The following ROBO2 variants were observed in gnomAD, a reference collection of about 807,000 sequenced individuals.
ROBO2 encodes roundabout homolog 2.
A neutral mutation model predicts 160.8 loss-of-function variants in ROBO2; 53 were observed. That is an observed-to-expected ratio of 0.33 (90% CI 0.26 to 0.41). The LOEUF (loss-of-function observed/expected upper bound fraction) is 0.41. Among genes scored for constraint, ROBO2 ranks in the 10% least tolerant of loss-of-function variants. ROBO2 has a pLI of 1.00. For missense variants in ROBO2, 1,577 were observed against 1,722.4 expected (o/e 0.92, Z 1.49); for synonymous variants, 664 against 611.7 (o/e 1.09, Z -1.26).
At chr3:75,910,855 A>G (rs1946545938) in intron 1 of ROBO2, among the ~76,000 whole-genome samples, 1 of 152,280 alleles carries the variant, frequency 6.6e-6, no homozygotes, top group East Asian at 1.9e-4. Flanking sequence ...ATATTCTGTC[A>G]TAAGTAAGTG....
chr3:76,069,811 C>T (rs548268437), intron 2 of ROBO2, among the ~76,000 whole-genome samples: 20 of 152,170 alleles, frequency 1.3e-4, no homozygotes, highest in African/African-American at 2.6e-4. Context: ...GGACCCTGAA[C>T]GAAGGGACCG....
intron 2 of ROBO2, among the ~76,000 whole-genome samples, chr3:75,976,826 G>T (rs1279568291): frequency 6.6e-6 from 1 of 151,416 alleles, no homozygotes; most frequent in Non-Finnish European, 1.5e-5. Flanking sequence ...CTTATGAATG[G>T]CACAAACACG....
rs1020687196 is a variant in ROBO2 at position 77,436,325 on chromosome 3, T to C, written c.389-41089T>C. On this transcript the variant is annotated intron_variant, in intron 2 of 25. Coordinates refer to ENST00000461745, the Ensembl canonical transcript of ROBO2. ...TGTAGTGAAATATATGCATATACAA[T>C]ACATTATCTGTTTGTTCTCTTCATC... is the stretch of plus-strand genomic sequence containing the variant. 5.2e-4 allele frequency among the ~76,000 whole-genome samples: 74 copies of C among 142,032 alleles called. 1 individual carries two copies. Among genetic ancestry groups the C allele is most frequent in the Non-Finnish European group, 4.2e-4 (26 of 62,322 alleles). 93.2% of individuals were successfully genotyped at this position (142,032 alleles called of 152,430 possible). A position where few individuals can be genotyped will look rare whatever the true frequency, so the allele number is the denominator to read the frequency against.
chr3:76,035,689 A>G (rs1355462091), intron 2 of ROBO2, among the ~76,000 whole-genome samples: 1 of 152,058 alleles, frequency 6.6e-6, no homozygotes, highest in African/African-American at 2.4e-5. Flanking sequence ...GCCATATTGC[A>G]CCGAGTATGT....
intron 12 of ROBO2, among the ~76,000 whole-genome samples, chr3:77,566,844 C>T (rs1419387615): frequency 6.6e-6 from 1 of 152,072 alleles, no homozygotes; most frequent in Non-Finnish European, 1.5e-5. Context: ...ACCATACTTT[C>T]AGCAGCTTTG....
At position 75,910,511 on chromosome 3, in the gene ROBO2, C is replaced by T. The variant is rs535231518; in HGVS notation, c.-14+3551C>T. 7.2e-5 allele frequency among the ~76,000 whole-genome samples: 11 copies of T among 152,146 alleles called. No homozygotes were observed. In the South Asian group the frequency reaches 2.3e-3, roughly 32 times the overall value. Reference sequence around the variant, plus strand: ...ATATACTAGGGAGATGATTGAACATCCTAAGTTCTAGTGTATATACCTTTG... The same window carrying T: ...ATATACTAGGGAGATGATTGAACATTCTAAGTTCTAGTGTATATACCTTTG... On this transcript the variant is annotated intron_variant, in intron 1 of 26. Transcript: ENST00000487694.
chr3:77,075,944 C>T (rs1477284033), intron 1 of ROBO2, among the ~76,000 whole-genome samples: 1 of 151,898 alleles, frequency 6.6e-6, no homozygotes, highest in Non-Finnish European at 1.5e-5. Flanking sequence ...TCCCAAAGTG[C>T]TGGGATTACA....
In ROBO2 at chr3:76,555,598, A is replaced by G. The variant is rs1393500920; in HGVS notation, c.110-542416A>G. On this transcript the variant is annotated intron_variant, in intron 2 of 26. Coordinates refer to the ROBO2 transcript ENST00000487694. ...TAGAGGGGTAACAGGAGAAGATTAA[A>G]ATGTATTAAGATGGCTCTTTGAATT... 2.0e-5 allele frequency among the ~76,000 whole-genome samples: 3 copies of G among 152,306 alleles called. No individual in the cohort carries two copies. In the East Asian group the frequency reaches 5.8e-4, roughly 29 times the overall value.
At position 75,948,978 on chromosome 3, in the gene ROBO2, GT is replaced by G. The variant is rs781230474; in HGVS notation, c.109+11379del. On this transcript the variant is annotated intron_variant, in intron 2 of 26. Transcript: ENST00000487694. ...TTGTTATTGAAATGATTACTGTTTA[GT>G]TTGAAATAATGCACCCTGAGGATTG... Among the ~76,000 whole-genome samples, 21 of 152,068 alleles carry G rather than the reference GT, an allele frequency of 1.4e-4. No individual in the cohort carries two copies. In the East Asian group the frequency reaches 1.7e-3, roughly 13 times the overall value.
chr3:76,828,574 A>G (rs1295563370), intron 2 of ROBO2, among the ~76,000 whole-genome samples: 2 of 152,158 alleles, frequency 1.3e-5, no homozygotes, highest in South Asian at 2.1e-4. Flanking sequence ...GTTACCAGCC[A>G]TGCTTGAAAG....
At position 76,641,355 on chromosome 3, in the gene ROBO2, A is replaced by C. The variant is rs79416120; in HGVS notation, c.110-456659A>C. Reference sequence around the variant, plus strand: ...TATGATGCATACAGAACACAATATCACCTCTGTGATATTGTTATCAACAAT... The same window carrying C: ...TATGATGCATACAGAACACAATATCCCCTCTGTGATATTGTTATCAACAAT... On this transcript the variant is annotated intron_variant, in intron 2 of 26. Transcript: ENST00000487694. Among the ~76,000 whole-genome samples, 51 of 152,262 alleles carry C rather than the reference A, an allele frequency of 3.3e-4. 1 individual carries two copies. In the East Asian group the frequency reaches 9.9e-3, roughly 30 times the overall value.
At chr3:75,935,032 A>T (rs1044989536) in intron 1 of ROBO2, among the ~76,000 whole-genome samples, 2 of 152,198 alleles carry the variant, frequency 1.3e-5, no homozygotes, top group Non-Finnish European at 2.9e-5. Context: ...AGTAGAAATT[A>T]AAAGAATGTA....
intron 2 of ROBO2, among the ~76,000 whole-genome samples, chr3:76,323,233 TA>T (rs2072728343): frequency 6.6e-6 from 1 of 151,730 alleles, no homozygotes; most frequent in Non-Finnish European, 1.5e-5. Flanking sequence ...AGCATTGTGT[TA>T]AATGCTTTCC....
At chr3:76,346,712 A>G (rs1317173517) in intron 2 of ROBO2, among the ~76,000 whole-genome samples, 1 of 152,144 alleles carries the variant, frequency 6.6e-6, no homozygotes, top group Non-Finnish European at 1.5e-5. Flanking sequence ...TTTTCCAGTC[A>G]ATCATATTAT....
In ROBO2 at chr3:76,571,449, A is replaced by T. The variant is rs147130060; in HGVS notation, c.110-526565A>T. On this transcript the variant is annotated intron_variant, in intron 2 of 26. Transcript: ENST00000487694. Reference sequence around the variant, plus strand: ...ATAAAATTACCAGAGTAAATATGAGACCTAGAGGTTTTTATACCAAGATAC... The same window carrying T: ...ATAAAATTACCAGAGTAAATATGAGTCCTAGAGGTTTTTATACCAAGATAC... 3.1e-3 allele frequency among the ~76,000 whole-genome samples: 467 copies of T among 151,946 alleles called. 3 individuals are homozygous for T. The highest frequency in any genetic ancestry group is 0.011 in the African/African-American group (459 of 41,308).
intron 2 of ROBO2, among the ~76,000 whole-genome samples, chr3:76,155,215 C>A (rs1008818574): frequency 6.6e-6 from 1 of 152,072 alleles, no homozygotes; most frequent in Non-Finnish European, 1.5e-5. Context: ...ATATTGATGG[C>A]TTCGATATCA....
chr3:77,229,239 A>G (rs2086862202), intron 2 of ROBO2, among the ~76,000 whole-genome samples: 2 of 152,148 alleles, frequency 1.3e-5, no homozygotes, highest in Admixed American at 6.6e-5. Context: ...TTCTCTCTTC[A>G]GAAACATCCC....
At chr3:76,506,211 T>TA (rs1221144536) in intron 2 of ROBO2, among the ~76,000 whole-genome samples, 1 of 152,168 alleles carries the variant, frequency 6.6e-6, no homozygotes. Flanking sequence ...ATCTTGCTTT[T>TA]AAAAAATATA....
chr3:77,382,134 T>A (rs371950302), intron 2 of ROBO2, among the ~76,000 whole-genome samples: 6 of 152,150 alleles, frequency 3.9e-5, no homozygotes, highest in African/African-American at 1.2e-4. Context: ...AGAAACAAGC[T>A]TTTTAAAGCT....
Sources: gnomAD v4.1 joint callset for allele counts (sites outside exome capture counted in the v4.1 genomes callset) on GRCh38, gnomAD v4.1.1 for gene constraint, MANE v1.5 for transcripts, NCBI Gene and HGNC (gene_info 2026-07-23, HGNC 2026-07-21) for gene names.